ATP2B4: variants seen among roughly 807,000 people sequenced by gnomAD.
ATP2B4 encodes ATPase plasma membrane Ca2+ transporting 4.
In ATP2B4, 39 loss-of-function variants were observed where a neutral mutation model predicts 110.3. That is an observed-to-expected ratio of 0.35 (90% CI 0.27 to 0.46). The LOEUF is 0.46. ATP2B4 is among the 20% of genes least tolerant of loss of function. The pLI is 1.00. For synonymous variants in ATP2B4, 538 were observed against 571.7 expected (o/e 0.94, Z 0.84); for missense variants, 1,135 against 1,530.9 (o/e 0.74, Z 4.32).
intron 1 of ATP2B4, among the ~76,000 whole-genome samples, chr1:203,627,934 G>T (rs1229767009): frequency 1.3e-5 from 2 of 152,184 alleles, no homozygotes; most frequent in Non-Finnish European, 2.9e-5. Context: ...ACCTCGTACC[G>T]CTGTTGTTTG....
At chr1:203,693,760 A>T (rs1376002326) in intron 2 of ATP2B4, among the ~76,000 whole-genome samples, 1 of 152,232 alleles carries the variant, frequency 6.6e-6, no homozygotes, top group Non-Finnish European at 1.5e-5. Context: ...AGAGGAAAGC[A>T]GCATGCAACC....
chr1:203,695,544 G>A (rs1665507059), intron 2 of ATP2B4, among the ~76,000 whole-genome samples: 1 of 152,136 alleles, frequency 6.6e-6, no homozygotes, highest in African/African-American at 2.4e-5. Context: ...GATGTGCTTG[G>A]GCACTGGGAG....
At chr1:203,680,551 G>A (rs1332289456) in intron 1 of ATP2B4, among the ~76,000 whole-genome samples, 1 of 149,940 alleles carries the variant, frequency 6.7e-6, no homozygotes, top group South Asian at 2.1e-4. Flanking sequence ...GGAGCTTGCC[G>A]TGAGCTGAGA....
chr1:203,633,841 G>T (rs191303537), intron 1 of ATP2B4, among the ~76,000 whole-genome samples: 2 of 152,006 alleles, frequency 1.3e-5, no homozygotes, highest in East Asian at 3.9e-4. Context: ...ACCTGAGGTC[G>T]GGAGTTTTAG....
intron 1 of ATP2B4, among the ~76,000 whole-genome samples, chr1:203,642,392 T>C (rs114296240): frequency 1.3e-5 from 2 of 152,218 alleles, no homozygotes; most frequent in South Asian, 2.1e-4. Context: ...CCTCACAGTC[T>C]GCTTTGATGG....
chr1:203,658,804 G>A (rs1244364153), intron 1 of ATP2B4, among the ~76,000 whole-genome samples: 1 of 152,090 alleles, frequency 6.6e-6, no homozygotes, highest in Non-Finnish European at 1.5e-5. Context: ...AGGAGATCGA[G>A]ACCAGCCTGG....
rs1214526316 is a variant in ATP2B4, at chr1:203,724,865, C to CTCTTTTTTT, written c.3132+878_3132+879insCTTTTTTTT. 3.8e-4 allele frequency among the ~76,000 whole-genome samples: 39 copies of CTCTTTTTTT among 101,484 alleles called. 10 individuals are homozygous for CTCTTTTTTT. The highest frequency in any genetic ancestry group is 1.4e-3 in the South Asian group (4 of 2,876). 66.6% of individuals were successfully genotyped at this position (101,484 alleles called of 152,430 possible). A position where few individuals can be genotyped will look rare whatever the true frequency, so the allele number is the denominator to read the frequency against. The stretch of plus-strand genomic sequence containing the variant: ...ACTGCCTGGGTTTGAATCCAGCTCT[C>CTCTTTTTTT]TGTTTTTTTTTTTTTTTTTTTTTTT... On this transcript the variant is annotated intron_variant, in intron 19 of 20. Transcript: ENST00000357681.
At chr1:203,688,471 G>GT (rs1213801491) in intron 2 of ATP2B4, among the ~76,000 whole-genome samples, 2 of 45,050 alleles carry the variant, frequency 4.4e-5, no homozygotes, top group Admixed American at 7.2e-4. Flanking sequence ...GCTAATTTTT[G>GT]TATTTTTTTT....
chr1:203,692,578 C>G (rs1436180732), intron 2 of ATP2B4, among the ~76,000 whole-genome samples: 1 of 152,204 alleles, frequency 6.6e-6, no homozygotes, highest in Non-Finnish European at 1.5e-5. Flanking sequence ...AAAATTCTCC[C>G]TGGTACTATA....
At chr1:203,639,863 T>C (rs1167696077) in intron 1 of ATP2B4, among the ~76,000 whole-genome samples, 1 of 152,164 alleles carries the variant, frequency 6.6e-6, no homozygotes, top group Non-Finnish European at 1.5e-5. Context: ...AATAGAACAA[T>C]ACCTCTCCAG....
At chr1:203,706,951 G>T in intron 8 of ATP2B4, 58 bp from the exon 9 acceptor site, 1 of 1,455,922 alleles carries the variant, frequency 6.9e-7, no homozygotes, top group Non-Finnish European at 9.5e-7. Flanking sequence ...TCTATCTCTG[G>T]CTAGGGCCCT....
rs11240645 is a variant in ATP2B4, at chr1:203,643,561, C to T, written c.-465+16342C>T. On this transcript the variant is annotated intron_variant, in intron 1 of 20. Coordinates refer to ENST00000357681, the MANE Select transcript of ATP2B4 (RefSeq NM_001684.5). Reference sequence around the variant, plus strand: ...AGCTTAGCCAAGATAATGCGTGAACCAGAACTTGCCTTTCCTGGCTGGAAG... The same window carrying T: ...AGCTTAGCCAAGATAATGCGTGAACTAGAACTTGCCTTTCCTGGCTGGAAG... 8.1e-3 allele frequency among the ~76,000 whole-genome samples: 1,240 copies of T among 152,322 alleles called. 20 individuals carry two copies. The highest frequency in any genetic ancestry group is 0.028 in the African/African-American group (1,157 of 41,576).
chr1:203,699,828 AAAAT>A, intron 4 of ATP2B4, 111 bp downstream of exon 4: 1 of 1,502,124 alleles, frequency 6.7e-7, no homozygotes. Flanking sequence ...GATAAGATCC[AAAAT>A]TGTATTCACT....
rs765112748 is a variant in ATP2B4, at chr1:203,709,326, C to T, written c.1583C>T (p.Pro528Leu). Residue 528 changes from proline (P) to leucine (L), a missense_variant, in exon 11 of 21, where the codon CCT (proline) becomes CTT (leucine). Physicochemically the swap from Pro to Leu is moderately conservative, Grantham distance 98. Around this residue, in one of 9 missense-constraint regions of ATP2B4, gnomAD observed 368 missense variants for 455.9 expected, o/e 0.81. Transcript: ENST00000357681. The part of the protein sequence containing the change: ...ILPPEKEGGL[P>L]RQVGNKTECA... Reference sequence around the variant, plus strand: ...CCTCCAGAGAAGGAGGGAGGCCTGCCTCGGCAGGTGGGCAACAAGACCGAG... The same window carrying T: ...CCTCCAGAGAAGGAGGGAGGCCTGCTTCGGCAGGTGGGCAACAAGACCGAG... 4 of 1,614,176 alleles carry T rather than the reference C, an allele frequency of 2.5e-6. No individual in the cohort carries two copies. The highest frequency in any genetic ancestry group is 2.5e-6 in the Non-Finnish European group (3 of 1,180,032).
chr1:203,687,993 A>AGATGAT (rs1349644065), intron 2 of ATP2B4, among the ~76,000 whole-genome samples: 27 of 101,560 alleles, frequency 2.7e-4, no homozygotes, highest in African/African-American at 7.3e-4. Context: ...AGAGAGAAAG[A>AGATGAT]GATTATTATT....
chr1:203,698,594 A>G (rs1665602567), intron 3 of ATP2B4, among the ~76,000 whole-genome samples: 1 of 151,408 alleles, frequency 6.6e-6, no homozygotes, highest in South Asian at 2.1e-4. Flanking sequence ...CCTTTTTCGG[A>G]ATGTCAGGAA....
At position 203,728,614 on chromosome 1, in the gene ATP2B4, T is replaced by C. The variant is rs965176555; in HGVS notation, c.3309+1043T>C. On this transcript the variant is annotated intron_variant, in intron 20 of 20. Coordinates refer to ENST00000357681, the MANE Select transcript of ATP2B4 (RefSeq NM_001684.5). ...GGCTCACGCCTGTAATCCCAGCACTTTGGGAGGCCAAGGTGGGTGGATCAC... is the reference window on the plus strand; with the variant it reads ...GGCTCACGCCTGTAATCCCAGCACTCTGGGAGGCCAAGGTGGGTGGATCAC... Among the ~76,000 whole-genome samples, 4 of 152,092 alleles carry C rather than the reference T, an allele frequency of 2.6e-5. No homozygotes were observed. The East Asian group carries it at 5.8e-4, about 22-fold the overall frequency.
Position 203,706,990 on chromosome 1 carries a change from G to T in ATP2B4, c.1100-19G>T. The T allele has an allele frequency of 6.2e-7, 1 of 1,610,618 alleles. No individual in the cohort carries two copies. The highest frequency in any genetic ancestry group is 1.1e-5 in the South Asian group (1 of 90,508). On this transcript the variant is annotated intron_variant, in intron 8 of 20. Coordinates refer to ENST00000357681, the MANE Select transcript of ATP2B4 (RefSeq NM_001684.5). ...ACTGCCCTCCAGCCTGGGTTCATAT[G>T]ACTTGTTTCTCTGGACAGGTCTGCT...
Position 203,741,409 on chromosome 1 carries a change from C to G in ATP2B4, c.*1555C>G, listed in dbSNP as rs1666994258. On this transcript the variant is annotated 3_prime_UTR_variant, in exon 21 of 21. Transcript: ENST00000357681. ...TAGGAGATTTTTTAAGTGTTCCTTA[C>G]TGGGACAACGTGGAGCCACGTTTGC... is the stretch of plus-strand genomic sequence containing the variant. The G allele has an allele frequency of 6.6e-6, 1 of 152,656 alleles. No homozygotes were observed. The highest frequency in any genetic ancestry group is 2.1e-4 in the South Asian group (1 of 4,834). The allele number at this position is 152,656 out of a possible 1,614,324, so 9.5% of individuals were successfully genotyped here.
Sources: allele counts gnomAD v4.1 joint callset (sites outside exome capture counted in the v4.1 genomes callset), GRCh38; gene constraint gnomAD v4.1.1; regional missense constraint gnomAD v4.1.1; transcripts MANE v1.5; gene names NCBI Gene and HGNC (gene_info 2026-07-23, HGNC 2026-07-21).